Variants in TBL1Y observed in about 807,000 individuals in gnomAD.
TBL1Y encodes the protein F-box-like/WD repeat-containing protein TBL1Y.
Under a neutral mutation model 12.0 loss-of-function variants are expected in TBL1Y, and 15 were observed. That is an observed-to-expected ratio of 1.25 (90% confidence interval 0.83 to 1.92). The LOEUF (loss-of-function observed/expected upper bound fraction) is 1.92, where lower values mean the gene tolerates loss of function less well. TBL1Y is among the 40% of genes most tolerant of loss of function. TBL1Y has a pLI of 0.00. For missense variants in TBL1Y, 148 were observed against 116.7 expected, an observed-to-expected ratio of 1.27 and a Z score of -1.24; for synonymous variants, 53 against 42.6, an observed-to-expected ratio of 1.24 and a Z score of -0.95.
intron 2 of TBL1Y, among the ~76,000 whole-genome samples, chrY:6,914,022 C>T (rs2011716232): frequency 3.0e-5 from 1 of 32,833 alleles, no homozygotes; most frequent in Non-Finnish European, 7.4e-5. Flanking sequence ...TGGTCATGCG[C>T]GGTCATATTG....
intron 2 of TBL1Y, among the ~76,000 whole-genome samples, chrY:6,932,147 G>A (rs749925089): frequency 3.0e-5 from 1 of 33,877 alleles, no homozygotes; most frequent in East Asian, 7.8e-4. Context: ...GTGTTTGCTG[G>A]TATTTGGCTT....
intron 2 of TBL1Y, among the ~76,000 whole-genome samples, chrY:6,918,197 C>A (rs2011749874): frequency 9.2e-5 from 3 of 32,565 alleles, no homozygotes; most frequent in Non-Finnish European, 1.5e-4. Flanking sequence ...TTCGGCTGGA[C>A]ATGGGGGCCG....
intron 13 of TBL1Y, among the ~76,000 whole-genome samples, chrY:7,076,902 CAAAAAAAAAAAAAAAAA>C (rs766029334): frequency 8.1e-4 from 1 of 1,242 alleles, no homozygotes; most frequent in Non-Finnish European, 1.4e-3. Flanking sequence ...GACTCCATCT[CAAAAAAAAAAAAAAAAA>C]AAAAAAAAAA....
At position 7,041,720 on chromosome Y, in the gene TBL1Y, T is replaced by C. The variant is rs752970259; in HGVS notation, c.59-1260T>C. Among the ~76,000 whole-genome samples, 3 of 33,124 alleles carry C rather than the reference T, an allele frequency of 9.1e-5. No individual in the cohort carries two copies. The East Asian group carries it at 2.4e-3, about 27-fold the overall frequency. The allele number at this position is 33,124 out of a possible 37,273, so 88.9% of individuals were successfully genotyped here. A position where few individuals can be genotyped will look rare whatever the true frequency, so the allele number is the denominator to read the frequency against. ...GCCCTGCCAGCTAGGGTTGCCTGTA[T>C]TAGGAAACTCCCTGCAGCACCCTAG... On this transcript the variant is annotated intron_variant, in intron 6 of 18. Coordinates refer to ENST00000383032, the MANE Select transcript of TBL1Y (RefSeq NM_033284.2).
At chrY:7,042,104 A>G in intron 6 of TBL1Y, among the ~76,000 whole-genome samples, 1 of 33,358 alleles carries the variant, frequency 3.0e-5, no homozygotes, top group African/African-American at 1.2e-4. Context: ...AAAATGATTC[A>G]GTGCCACACC....
intron 2 of TBL1Y, among the ~76,000 whole-genome samples, chrY:6,932,002 T>C: frequency 2.9e-5 from 1 of 34,148 alleles, no homozygotes; most frequent in South Asian, 6.5e-4. Flanking sequence ...CAGCCTTTTC[T>C]AGTTCCCTGT....
intron 2 of TBL1Y, among the ~76,000 whole-genome samples, chrY:6,977,562 G>A: frequency 3.0e-5 from 1 of 33,213 alleles, no homozygotes; most frequent in Non-Finnish European, 7.4e-5. Flanking sequence ...CCCACTCGGT[G>A]TAGGCTAGAA....
chrY:7,035,824 A>C (rs971173138), intron 6 of TBL1Y, among the ~76,000 whole-genome samples: 1 of 33,007 alleles, frequency 3.0e-5, no homozygotes, highest in Admixed American at 2.8e-4. Flanking sequence ...GAGTGATAGC[A>C]TTAAGAGAAA....
chrY:6,964,542 A>G (rs1034160497), intron 2 of TBL1Y, among the ~76,000 whole-genome samples: 15 of 33,282 alleles, frequency 4.5e-4, no homozygotes, highest in Non-Finnish European at 8.1e-4. Context: ...CTATATGGAC[A>G]ACAGGATAAG....
At chrY:6,993,294 G>C in intron 3 of TBL1Y, among the ~76,000 whole-genome samples, 2 of 23,248 alleles carry the variant, frequency 8.6e-5, no homozygotes, top group African/African-American at 3.4e-4. Flanking sequence ...TTCAGCTTAG[G>C]TTGCCACCAG....
Position 6,927,734 on chromosome Y carries a change from T to C in TBL1Y, c.-266+15562T>C. On this transcript the variant is annotated intron_variant, in intron 2 of 18. Coordinates refer to ENST00000383032, the MANE Select transcript of TBL1Y (RefSeq NM_033284.2). ...GTTAGACATTTTGCTGCAGAGATGG[T>C]TGACTTTAAAAGATAGCAACATGAA... Among the ~76,000 whole-genome samples the C allele has an allele frequency of 1.8e-4, 6 of 33,554 alleles. No homozygotes were observed. The South Asian group carries it at 4.0e-3, about 22-fold the overall frequency. The allele number at this position is 33,554 out of a possible 37,273, so 90.0% of individuals were successfully genotyped here.
Position 7,064,065 on chromosome Y carries a change from A to T in TBL1Y, c.373A>T (p.Thr125Ser), listed in dbSNP as rs201301961. 1.3e-3 allele frequency: 496 copies of T among 396,225 alleles called. No homozygotes were observed. Among genetic ancestry groups the T allele is most frequent in the Admixed American group, 6.8e-4 (9 of 13,191 alleles). Residue 125 changes from threonine to serine, a missense_variant, in exon 8 of 19, where the codon ACC becomes TCC. Coordinates refer to ENST00000383032, the MANE Select transcript of TBL1Y (RefSeq NM_033284.2). ...AGCAATGGCAAAGGCGGCAACCATG[A>T]CCCCAGCTGCTATTTCCCAGCAAAA... ...ASAMAKAATM[T>S]PAAISQQNPP... is the part of the protein sequence containing the mutation.
intron 2 of TBL1Y, among the ~76,000 whole-genome samples, chrY:6,960,358 G>A: frequency 5.9e-5 from 2 of 33,778 alleles, no homozygotes; most frequent in African/African-American, 2.3e-4. Flanking sequence ...TGTAATTTAG[G>A]TTAATAGTAT....
intron 8 of TBL1Y, among the ~76,000 whole-genome samples, chrY:7,066,921 G>C (rs2012990188): frequency 3.0e-5 from 1 of 33,375 alleles, no homozygotes; most frequent in Non-Finnish European, 7.4e-5. Context: ...AGAGAACTGC[G>C]ATAGCACCAC....
intron 13 of TBL1Y, among the ~76,000 whole-genome samples, chrY:7,078,915 A>C (rs2013077097): frequency 9.0e-5 from 3 of 33,261 alleles, no homozygotes; most frequent in Admixed American, 8.2e-4. Context: ...TGGCCCCTGC[A>C]GTGGAGAGAG....
chrY:7,036,868 C>T, intron 6 of TBL1Y, among the ~76,000 whole-genome samples: 1 of 33,300 alleles, frequency 3.0e-5, no homozygotes, highest in Non-Finnish European at 7.4e-5. Context: ...CCAGGCCTGC[C>T]GACCCTCAGC....
chrY:7,023,208 G>A, intron 5 of TBL1Y, among the ~76,000 whole-genome samples: 1 of 32,006 alleles, frequency 3.1e-5, no homozygotes, highest in East Asian at 8.1e-4. Context: ...GGAATAACTT[G>A]TCTAACATAC....
chrY:7,091,210 A>G, intron 18 of TBL1Y, among the ~76,000 whole-genome samples: 1 of 33,108 alleles, frequency 3.0e-5, no homozygotes, highest in Non-Finnish European at 7.5e-5. Context: ...TGTCTCTCCC[A>G]CTGTGTTAAT....
At chrY:7,002,014 C>T (rs2012456393) in intron 4 of TBL1Y, among the ~76,000 whole-genome samples, 1 of 34,289 alleles carries the variant, frequency 2.9e-5, no homozygotes, top group Admixed American at 2.6e-4. Flanking sequence ...CCAGAAATAT[C>T]GTATGAGTCC....
Sources: allele counts gnomAD v4.1 joint callset (sites outside exome capture counted in the v4.1 genomes callset), GRCh38; gene constraint gnomAD v4.1.1; transcripts MANE v1.5; gene names NCBI Gene and HGNC (gene_info 2026-07-23, HGNC 2026-07-21).